GIPC1: variants seen among roughly 807,000 people sequenced by gnomAD.
GIPC1 encodes the protein GIPC PDZ domain containing family member 1, also known as PDZ domain-containing protein GIPC1.
GIPC1 carries 15 observed loss-of-function variants against 28.5 expected under a neutral mutation model. The ratio of observed to expected loss-of-function variants is 0.53; its 90% CI spans 0.35 to 0.81. The LOEUF is 0.81. Ranked by LOEUF, GIPC1 falls within the 30% of genes least tolerant of loss-of-function variation. GIPC1 has a pLI of 0.01. For synonymous variants in GIPC1, 224 were observed against 206.1 expected (o/e 1.09, Z -0.74); for missense variants, 439 against 481.9 (o/e 0.91, Z 0.83).
chr19:14,488,388 T>C (rs1599359532), intron 3 of GIPC1, among the ~76,000 whole-genome samples: 1 of 149,262 alleles, frequency 6.7e-6, no homozygotes, highest in African/African-American at 2.5e-5. Context: ...GAGGCGGAGG[T>C]TGCAGTGAGC....
chr19:14,479,976 A>C (rs1263633068), intron 6 of GIPC1: 1 of 486,278 alleles, frequency 2.1e-6, no homozygotes. Context: ...GTGAAGCCAG[A>C]TGGAAAAGTG....
chr19:14,495,779 G>C (rs1032925774), intron 1 of GIPC1, among the ~76,000 whole-genome samples: 1 of 152,088 alleles, frequency 6.6e-6, no homozygotes, highest in African/African-American at 2.4e-5. Context: ...GGGGGACGGG[G>C]GGAGGGGCAA....
chr19:14,479,197 CA>C lies in GIPC1; in HGVS notation c.768+214del, dbSNP rs528564728. ...TGAAACCCCATCTCTACTAAAAATA[CA>C]AAAATCAGCTGGGCATGGTGGTGGG... On this transcript the variant is annotated intron_variant, in intron 7 of 8. Transcript: ENST00000393033. Among the ~76,000 whole-genome samples, 79 of 152,216 alleles carry C rather than the reference CA, an allele frequency of 5.2e-4. 2 individuals carry two copies. The East Asian group carries it at 0.013, about 26-fold the overall frequency.
chr19:14,478,827 C>A lies in GIPC1; in HGVS notation c.769-62G>T. The A allele has an allele frequency of 8.2e-7, 1 of 1,214,484 alleles. No homozygotes were observed. Among genetic ancestry groups the A allele is most frequent in the Non-Finnish European group, 1.2e-6 (1 of 816,584 alleles). 75.2% of individuals were successfully genotyped at this position (1,214,484 alleles called of 1,614,324 possible). On this transcript the variant is annotated intron_variant, in intron 7 of 8. Coordinates refer to ENST00000393033, the MANE Select transcript of GIPC1 (RefSeq NM_005716.4). The surrounding 1 kb of genome is among the most constrained non-coding windows in gnomAD (Gnocchi z 5.2). ...AATGTGAATATACATAGTAATTGGA[C>A]GGACTGCCATTGTCACCACTTTACA...
intron 6 of GIPC1, 33 bp downstream of exon 6, chr19:14,480,272 G>C: frequency 7.0e-6 from 11 of 1,580,244 alleles, no homozygotes; most frequent in Non-Finnish European, 9.5e-6. Context: ...TGCGAGCAGC[G>C]CCACTGGGGA....
chr19:14,493,017 C>T (rs939407772), intron 1 of GIPC1, 105 bp from the exon 2 acceptor site: 2 of 152,388 alleles, frequency 1.3e-5, no homozygotes, highest in South Asian at 2.1e-4. Flanking sequence ...CATTTAAGGA[C>T]GCTGTTGTCA....
In GIPC1 at chr19:14,480,460, T is replaced by C. The variant is rs1339535036; in HGVS notation, c.500A>G (p.Asp167Gly). Reference sequence around the variant, plus strand: ...GCCCACGCTGATGAGGTGGATGTGGTCGATCACGCTGCCCTCCTTGATGCG... The same window carrying C: ...GCCCACGCTGATGAGGTGGATGTGGCCGATCACGCTGCCCTCCTTGATGCG... ...IKRIKEGSVI[D>G]HIHLISVGDM... The change falls in exon 6 of 9, where the codon GAC becomes GGC. Residue 167 changes from aspartate (D) to glycine (G), a missense_variant. Transcript: ENST00000393033. 1.2e-6 allele frequency: 2 copies of C among 1,613,142 alleles called. No homozygotes were observed. The highest frequency in any genetic ancestry group is 2.2e-5 in the South Asian group (2 of 90,998).
Position 14,478,332 on chromosome 19 carries a change from GGC to G in GIPC1, c.*82_*83del. On this transcript the variant is annotated 3_prime_UTR_variant, in exon 9 of 9. Transcript: ENST00000393033. The surrounding 1 kb of genome is among the most constrained non-coding windows in gnomAD (Gnocchi z 5.2). ...GCTGCTGAGCTAGGCTCAGGCTGGA[GGC>G]TCGGGTCCTGACGTCAGTGTCCCTG... 1 of 1,383,916 alleles carries G rather than the reference GGC, an allele frequency of 7.2e-7. No homozygotes were observed. The highest frequency in any genetic ancestry group is 2.2e-5 in the Admixed American group (1 of 45,276). 85.7% of individuals were successfully genotyped at this position (1,383,916 alleles called of 1,614,324 possible).
chr19:14,482,563 CACT>C (rs2071752012), intron 4 of GIPC1, 123 bp downstream of exon 4: 3 of 937,212 alleles, frequency 3.2e-6, no homozygotes, highest in Non-Finnish European at 3.3e-6. Context: ...TGGCCCCCAC[CACT>C]GAGTGGGGCC....
chr19:14,482,814 G>C lies in GIPC1; in HGVS notation c.163C>G (p.Arg55Gly). ...MGLPPPPPAL[R>G]PRLVFHTQLA... is the part of the protein sequence containing the mutation. ...TGGGTGTGGAACACGAGGCGGGGCC[G>C]CAGGGCTGGGGGAGGGGGGGGCAAG... Residue 55 changes from arginine to glycine, a missense_variant, in exon 4 of 9, where the codon CGG becomes GGG. Coordinates refer to ENST00000393033, the MANE Select transcript of GIPC1 (RefSeq NM_005716.4). The C allele has an allele frequency of 6.3e-7, 1 of 1,589,530 alleles. No individual in the cohort carries two copies. The highest frequency in any genetic ancestry group is 8.6e-7 in the Non-Finnish European group (1 of 1,168,792).
In GIPC1 at chr19:14,493,530, T is replaced by C. The variant is rs574453927; in HGVS notation, c.-174-618A>G. ...TGGAGTGCAGTGGCGCCATCTCAGC[T>C]CACTGCAACCTCCACCTCCTGGGTT... On this transcript the variant is annotated intron_variant, in intron 1 of 8. Coordinates refer to ENST00000393033, the MANE Select transcript of GIPC1 (RefSeq NM_005716.4). Among the ~76,000 whole-genome samples the C allele has an allele frequency of 7.9e-5, 12 of 152,164 alleles. No homozygotes were observed. The South Asian group carries it at 2.5e-3, about 32-fold the overall frequency.
chr19:14,482,477 C>T, intron 4 of GIPC1: 1 of 604,766 alleles, frequency 1.7e-6, no homozygotes. Context: ...CCAGCCCTGG[C>T]CTCCAGTTCC....
chr19:14,489,265 C>T, intron 3 of GIPC1: 7 of 662,266 alleles, frequency 1.1e-5, no homozygotes, highest in East Asian at 8.1e-5. Context: ...AACTCATGCT[C>T]GAACAATCGA....
chr19:14,492,528 G>A (rs528233125), intron 2 of GIPC1, among the ~76,000 whole-genome samples: 12 of 152,158 alleles, frequency 7.9e-5, no homozygotes, highest in East Asian at 1.9e-4. Flanking sequence ...GGATGGTCTC[G>A]ATCCCCTGAC....
intron 2 of GIPC1, among the ~76,000 whole-genome samples, chr19:14,492,180 T>C (rs1348171132): frequency 1.3e-5 from 2 of 152,232 alleles, no homozygotes; most frequent in Non-Finnish European, 1.5e-5. Flanking sequence ...CATCTCTTAA[T>C]AGCTGTGTGA....
chr19:14,484,996 C>T (rs1358062071), intron 3 of GIPC1, among the ~76,000 whole-genome samples: 1 of 151,548 alleles, frequency 6.6e-6, no homozygotes, highest in Non-Finnish European at 1.5e-5. Context: ...CCCGTCTCTA[C>T]TAAAAATACA....
Position 14,478,266 on chromosome 19 carries a change from G to T in GIPC1, c.*150C>A. 2.6e-6 allele frequency: 2 copies of T among 770,562 alleles called. No homozygotes were observed. The highest frequency in any genetic ancestry group is 4.1e-6 in the Non-Finnish European group (2 of 489,004). The allele number at this position is 770,562 out of a possible 1,614,324, so 47.7% of individuals were successfully genotyped here. On this transcript the variant is annotated 3_prime_UTR_variant, in exon 9 of 9. Coordinates refer to ENST00000393033, the MANE Select transcript of GIPC1 (RefSeq NM_005716.4). This position sits in a 1 kb window ranked among gnomAD's most constrained non-coding sequence, Gnocchi z 5.2. ...AGGGGATGGTACCGATTGGAGCGGG[G>T]CAGGGGGCCTGGCCCCACCTCCCCT... is the stretch of plus-strand genomic sequence containing the variant.
chr19:14,490,316 A>G (rs1246571568), intron 3 of GIPC1, among the ~76,000 whole-genome samples: 1 of 151,710 alleles, frequency 6.6e-6, no homozygotes, highest in Non-Finnish European at 1.5e-5. Context: ...CGGTGAATCA[A>G]GACCGTGCCA....
At chr19:14,488,029 T>C (rs541488552) in intron 3 of GIPC1, among the ~76,000 whole-genome samples, 1 of 152,244 alleles carries the variant, frequency 6.6e-6, no homozygotes, top group Admixed American at 6.5e-5. Context: ...ACAAGTTCTA[T>C]AGACAAGATC....
Sources: allele counts gnomAD v4.1 joint callset (sites outside exome capture counted in the v4.1 genomes callset), GRCh38; gene constraint gnomAD v4.1.1; non-coding constraint Gnocchi (gnomAD v3.1); transcripts MANE v1.5; gene names NCBI Gene and HGNC (gene_info 2026-07-23, HGNC 2026-07-21).